Variants in YTHDC1 observed in about 807,000 individuals in gnomAD.
YTHDC1 encodes the protein YTH domain-containing protein 1.
A neutral mutation model predicts 107.0 loss-of-function variants in YTHDC1; 12 were observed. That is an observed-to-expected ratio of 0.11 (90% CI 0.07 to 0.18). YTHDC1 has a LOEUF of 0.18. YTHDC1 is among the 10% of genes least tolerant of loss of function. The pLI is 1.00. For synonymous variants in YTHDC1, 280 were observed against 289.5 expected (o/e 0.97, Z 0.33); for missense variants, 635 against 898.8 (o/e 0.71, Z 3.75).
chr4:68,344,037 C>T (rs188286804), intron 1 of YTHDC1: 212 of 151,910 alleles, frequency 1.4e-3, no homozygotes, highest in Admixed American at 5.5e-3. Flanking sequence ...TATTAGGGGC[C>T]CAGATTCTCA....
chr4:68,339,480 C>A (rs1724579751), intron 1 of YTHDC1, among the ~76,000 whole-genome samples: 1 of 152,156 alleles, frequency 6.6e-6, no homozygotes, highest in Non-Finnish European at 1.5e-5. Context: ...TGTTATTTTT[C>A]TAATTTTGAC....
At chr4:68,342,144 A>T (rs1220844346) in intron 1 of YTHDC1, among the ~76,000 whole-genome samples, 2 of 152,192 alleles carry the variant, frequency 1.3e-5, no homozygotes, top group African/African-American at 4.8e-5. Context: ...CTTGACTTAA[A>T]ATGGTAACAC....
At chr4:68,333,141 T>C (rs1298426810) in intron 5 of YTHDC1, among the ~76,000 whole-genome samples, 167 bp downstream of exon 5, 4 of 152,128 alleles carry the variant, frequency 2.6e-5, no homozygotes, top group Admixed American at 6.5e-5. Context: ...AGAACAGGAT[T>C]AAAATAATAA....
chr4:68,318,449 C>A, intron 15 of YTHDC1, 70 bp downstream of exon 15: 2 of 1,415,908 alleles, frequency 1.4e-6, no homozygotes, highest in East Asian at 4.8e-5. Flanking sequence ...AATCATATTC[C>A]GAGTAAGCAC....
intron 9 of YTHDC1, among the ~76,000 whole-genome samples, chr4:68,325,234 CAA>C (rs1196444832): frequency 2.0e-5 from 3 of 152,068 alleles, no homozygotes; most frequent in Non-Finnish European, 4.4e-5. Flanking sequence ...ACACAATTTT[CAA>C]AGACAATGGG....
chr4:68,320,131 T>G lies in YTHDC1; in HGVS notation c.1676A>C (p.Gln559Pro). 1 of 1,601,500 alleles carries G rather than the reference T, an allele frequency of 6.2e-7. No individual in the cohort carries two copies. Among genetic ancestry groups the G allele is most frequent in the Non-Finnish European group, 8.5e-7 (1 of 1,174,714 alleles). Residue 559 changes from glutamine (Q) to proline (P), a missense_variant, in exon 12 of 17, where the codon CAG (glutamine) becomes CCG (proline). Coordinates refer to ENST00000344157, the MANE Select transcript of YTHDC1 (RefSeq NM_001031732.4). ...GATTATAAAATATTAACCTGGTCTCTGGTGAAACTCAGGGGGATAGTCAAT... is the reference window on the plus strand; with the variant it reads ...GATTATAAAATATTAACCTGGTCTCGGGTGAAACTCAGGGGGATAGTCAAT... ...PRIDYPPEFH[Q>P]RPGYLKDPRY...
At chr4:68,316,144 C>T (rs1424997750) in intron 16 of YTHDC1, 170 bp downstream of exon 16, 1 of 745,576 alleles carries the variant, frequency 1.3e-6, no homozygotes, top group Non-Finnish European at 2.1e-6. Flanking sequence ...CTATATAATC[C>T]AAAGGGGCAT....
chr4:68,332,964 CCA>C, intron 5 of YTHDC1, 117 bp from the exon 6 acceptor site: 3 of 832,154 alleles, frequency 3.6e-6, no homozygotes, highest in Non-Finnish European at 3.7e-6. Context: ...CCTGGCGCAC[CCA>C]CACACACAAA....
chr4:68,323,098 TA>T (rs1722610835), intron 10 of YTHDC1, among the ~76,000 whole-genome samples, 183 bp from the exon 11 acceptor site: 1 of 152,194 alleles, frequency 6.6e-6, no homozygotes, highest in Non-Finnish European at 1.5e-5. Flanking sequence ...TGTATTTATA[TA>T]AAGGGTAAAA....
chr4:68,316,132 A>T, intron 16 of YTHDC1, 182 bp downstream of exon 16: 1 of 623,366 alleles, frequency 1.6e-6, no homozygotes, highest in Non-Finnish European at 2.5e-6. Flanking sequence ...AATATATTCT[A>T]TCTATATAAT....
intron 9 of YTHDC1, among the ~76,000 whole-genome samples, chr4:68,327,882 G>A (rs925796566): frequency 5.3e-5 from 8 of 152,072 alleles, no homozygotes; most frequent in Admixed American, 1.3e-4. Flanking sequence ...AATAGAACTT[G>A]AGTATTAAAA....
intron 9 of YTHDC1, among the ~76,000 whole-genome samples, chr4:68,327,847 G>A (rs538402454): frequency 1.8e-4 from 27 of 152,226 alleles, no homozygotes; most frequent in African/African-American, 6.5e-4. Context: ...CTCCAGAACT[G>A]TAAAGTATTG....
At position 68,311,612 on chromosome 4, in the gene YTHDC1, GCA is replaced by G. The variant is rs1053522146; in HGVS notation, c.*2485_*2486del. 3 of 152,100 alleles carry G rather than the reference GCA, an allele frequency of 2.0e-5. No individual in the cohort carries two copies. The highest frequency in any genetic ancestry group is 7.2e-5 in the African/African-American group (3 of 41,418). 9.4% of individuals were successfully genotyped at this position (152,100 alleles called of 1,614,324 possible). A position where few individuals can be genotyped will look rare whatever the true frequency, so the allele number is the denominator to read the frequency against. ...ACTCTTCTGTACAGAAAAAAATCTT[GCA>G]TTTTTTATACAATGTTCCGGTAAGT... On this transcript the variant is annotated 3_prime_UTR_variant, in exon 17 of 17. Coordinates refer to ENST00000344157, the MANE Select transcript of YTHDC1 (RefSeq NM_001031732.4).
At chr4:68,331,038 CA>C (rs1723522738) in intron 7 of YTHDC1, among the ~76,000 whole-genome samples, 1 of 152,054 alleles carries the variant, frequency 6.6e-6, no homozygotes, top group Non-Finnish European at 1.5e-5. Context: ...ATGCAGATAC[CA>C]AAATCTGAGG....
At chr4:68,324,356 A>T in intron 9 of YTHDC1, 133 bp from the exon 10 acceptor site, 4 of 663,850 alleles carry the variant, frequency 6.0e-6, no homozygotes, top group African/African-American at 1.8e-5. Flanking sequence ...TACAGTGGTT[A>T]ATTCCCTATA....
intron 1 of YTHDC1, among the ~76,000 whole-genome samples, chr4:68,347,701 G>A (rs1163700617): frequency 6.6e-6 from 1 of 152,022 alleles, no homozygotes; most frequent in Non-Finnish European, 1.5e-5. Flanking sequence ...ATTTTTAGAG[G>A]GTTTATCCTT....
intron 15 of YTHDC1, 56 bp from the exon 16 acceptor site, chr4:68,316,504 G>A (rs1179335719): frequency 1.0e-5 from 16 of 1,569,640 alleles, no homozygotes; most frequent in Non-Finnish European, 1.4e-5. Context: ...GTAAACAAGC[G>A]ATTCTTAGAA....
intron 10 of YTHDC1, among the ~76,000 whole-genome samples, chr4:68,323,678 A>C (rs1722678702): frequency 6.6e-6 from 1 of 152,238 alleles, no homozygotes; most frequent in African/African-American, 2.4e-5. Context: ...TACAAGGGTC[A>C]AAGAAAGGTT....
chr4:68,321,682 C>T (rs1266639592), intron 11 of YTHDC1, among the ~76,000 whole-genome samples: 26 of 152,262 alleles, frequency 1.7e-4, no homozygotes, highest in African/African-American at 6.3e-4. Flanking sequence ...CTCCTACCTA[C>T]TCGACAGTGT....
Sources: gnomAD v4.1 joint callset for allele counts (sites outside exome capture counted in the v4.1 genomes callset) on GRCh38, gnomAD v4.1.1 for gene constraint, MANE v1.5 for transcripts, NCBI Gene and HGNC (gene_info 2026-07-23, HGNC 2026-07-21) for gene names.